The following GCLM variants were observed in gnomAD, a reference collection of about 807,000 sequenced individuals.
GCLM encodes glutamate--cysteine ligase regulatory subunit.
GCLM carries 15 observed loss-of-function variants against 36.0 expected under a neutral mutation model. The observed-to-expected ratio is 0.42, with a 90% CI of 0.28 to 0.64. GCLM has a LOEUF of 0.64. GCLM is among the 30% of genes least tolerant of loss of function. The pLI, the probability that GCLM is intolerant of heterozygous loss-of-function variation, is 0.25. For missense variants in GCLM, 242 were observed against 325.5 expected (o/e 0.74, Z 1.97); for synonymous variants, 129 against 122.8 (o/e 1.05, Z -0.34).
chr1:93,890,856 T>G (rs905055757), intron 6 of GCLM, among the ~76,000 whole-genome samples: 1 of 151,408 alleles, frequency 6.6e-6, no homozygotes, highest in Non-Finnish European at 1.5e-5. Flanking sequence ...AGTGCCGCAG[T>G]GCCAATTCTT....
At chr1:93,901,912 AG>A (rs2100922048) in intron 2 of GCLM, among the ~76,000 whole-genome samples, 1 of 151,864 alleles carries the variant, frequency 6.6e-6, no homozygotes, top group Admixed American at 6.6e-5. Flanking sequence ...CATTTTGACC[AG>A]GTATTTAGAA....
chr1:93,900,699 A>G (rs1229394607), intron 3 of GCLM, among the ~76,000 whole-genome samples: 1 of 152,228 alleles, frequency 6.6e-6, no homozygotes, highest in Non-Finnish European at 1.5e-5. Context: ...TACTATAATT[A>G]GATTAAAAAG....
intron 1 of GCLM, among the ~76,000 whole-genome samples, chr1:93,905,002 T>C (rs544873516): frequency 3.3e-5 from 5 of 152,034 alleles, no homozygotes; most frequent in South Asian, 2.1e-4. Context: ...GGTGAAACCC[T>C]GTCTCTACTA....
chr1:93,890,633 C>CA (rs896141901), intron 6 of GCLM, among the ~76,000 whole-genome samples: 38 of 149,634 alleles, frequency 2.5e-4, no homozygotes, highest in Admixed American at 1.9e-3. Flanking sequence ...CTATGTCTTA[C>CA]AAAAAAAAAG....
At position 93,904,602 on chromosome 1, in the gene GCLM, G is replaced by GCAT. The variant is rs1356821706; in HGVS notation, c.127-17_127-15dup. On this transcript the variant is annotated splice_polypyrimidine_tract_variant and intron_variant, in intron 1 of 6. Coordinates refer to ENST00000370238, the MANE Select transcript of GCLM (RefSeq NM_002061.4). The stretch of plus-strand genomic sequence containing the variant: ...ACAATCATGAAGCTGCAAAAGGAAT[G>GCAT]CATTTTGAAACTGTTAATCAAAGTC... 6.4e-7 allele frequency: 1 copy of GCAT among 1,566,770 alleles called. No individual in the cohort carries two copies. The highest frequency in any genetic ancestry group is 1.7e-5 in the Admixed American group (1 of 59,862).
intron 1 of GCLM, 30 bp from the exon 2 acceptor site, chr1:93,904,618 A>T: frequency 7.1e-7 from 1 of 1,402,494 alleles, no homozygotes; most frequent in Non-Finnish European, 1.0e-6. Context: ...TGAAACTGTT[A>T]ATCAAAGTCT....
chr1:93,899,409 T>C (rs17884788), intron 3 of GCLM, among the ~76,000 whole-genome samples: 8,889 of 152,242 alleles, frequency 0.058, 314 homozygotes, highest in South Asian at 0.093. Flanking sequence ...TTGAATATTA[T>C]TTTGTAAATT....
intron 1 of GCLM, among the ~76,000 whole-genome samples, chr1:93,906,211 T>G (rs1406461731): frequency 6.6e-6 from 1 of 152,208 alleles, no homozygotes; most frequent in Non-Finnish European, 1.5e-5. Context: ...GTCACAACAA[T>G]TCACTTGAAT....
chr1:93,894,631 G>A lies in GCLM; in HGVS notation c.638C>T (p.Thr213Ile). 6.3e-7 allele frequency: 1 copy of A among 1,576,790 alleles called. No homozygotes were observed. Among genetic ancestry groups the A allele is most frequent in the African/African-American group, 1.3e-5 (1 of 74,212 alleles). ...FAKQFDIQLL[T>I]HNDPKELLSE... ...AGTTTTACCTTTTGGATCATTGTGA[G>A]TCAACAGCTGTATGTCAAATTGTTT... Residue 213 changes from threonine (T) to isoleucine (I), a missense_variant, in exon 6 of 7, where the codon ACT becomes ATT. Thr to Ile is a moderately conservative substitution (Grantham distance 89, BLOSUM62 -1). Coordinates refer to ENST00000370238, the MANE Select transcript of GCLM (RefSeq NM_002061.4).
chr1:93,900,938 C>T (rs1457172972), intron 3 of GCLM, among the ~76,000 whole-genome samples: 2 of 152,160 alleles, frequency 1.3e-5, no homozygotes, highest in African/African-American at 4.8e-5. Flanking sequence ...AACTGAGACT[C>T]AGGGAGGTTA....
intron 3 of GCLM, among the ~76,000 whole-genome samples, chr1:93,899,053 G>A (rs1656851240): frequency 6.6e-6 from 1 of 151,894 alleles, no homozygotes; most frequent in African/African-American, 2.4e-5. Context: ...CTTAGGGGTG[G>A]CCTTGAACGT....
rs1015866078 is a variant in GCLM, at chr1:93,885,205, T to G, written c.*3785A>C. 2 of 152,250 alleles carry G rather than the reference T, an allele frequency of 1.3e-5. No homozygotes were observed. Among genetic ancestry groups the G allele is most frequent in the Non-Finnish European group, 2.9e-5 (2 of 68,050 alleles). 9.4% of individuals were successfully genotyped at this position (152,250 alleles called of 1,614,324 possible). A position where few individuals can be genotyped will look rare whatever the true frequency, so the allele number is the denominator to read the frequency against. On this transcript the variant is annotated 3_prime_UTR_variant, in exon 7 of 7. Coordinates refer to ENST00000370238, the MANE Select transcript of GCLM (RefSeq NM_002061.4). ...TGCATAAATAGCTTTATGATTTGGA[T>G]GTTTTTAAATTATTAATTTATTTTC...
Position 93,888,018 on chromosome 1 carries a change from G to A in GCLM, c.*972C>T, listed in dbSNP as rs1415501648. ...CAAAGTTGTTTAAGTAGATAATGTC[G>A]GCCCTGAATTAAGGATTTTTTTTTC... On this transcript the variant is annotated 3_prime_UTR_variant, in exon 7 of 7. Coordinates refer to ENST00000370238, the MANE Select transcript of GCLM (RefSeq NM_002061.4). The A allele has an allele frequency of 6.6e-6, 1 of 151,902 alleles. No individual in the cohort carries two copies. Among genetic ancestry groups the A allele is most frequent in the Non-Finnish European group, 1.5e-5 (1 of 67,986 alleles). 9.4% of individuals were successfully genotyped at this position (151,902 alleles called of 1,614,324 possible).
chr1:93,907,513 T>C (rs1030378740), intron 1 of GCLM, among the ~76,000 whole-genome samples: 2 of 152,246 alleles, frequency 1.3e-5, no homozygotes, highest in Non-Finnish European at 2.9e-5. Flanking sequence ...ATGTACTTCT[T>C]ACTGTGTTTG....
chr1:93,896,272 C>G (rs1656729780), intron 5 of GCLM, among the ~76,000 whole-genome samples: 1 of 152,034 alleles, frequency 6.6e-6, no homozygotes, highest in East Asian at 1.9e-4. Context: ...TAAGGTTTTT[C>G]TTTAGGTATT....
At chr1:93,907,145 G>A (rs1657173177) in intron 1 of GCLM, among the ~76,000 whole-genome samples, 1 of 152,172 alleles carries the variant, frequency 6.6e-6, no homozygotes, top group African/African-American at 2.4e-5. Context: ...AGCTCTGGGT[G>A]TTACAAAGTT....
At chr1:93,898,632 A>T (rs1656829024) in intron 3 of GCLM, among the ~76,000 whole-genome samples, 2 of 151,890 alleles carry the variant, frequency 1.3e-5, no homozygotes, top group African/African-American at 4.8e-5. Flanking sequence ...GAATCACCAC[A>T]ATTTTTTTTT....
intron 2 of GCLM, 73 bp from the exon 3 acceptor site, chr1:93,901,742 C>T: frequency 1.2e-6 from 1 of 815,038 alleles, no homozygotes; most frequent in Non-Finnish European, 2.0e-6. Context: ...TTTCTATTAT[C>T]CATAATGCCT....
intron 1 of GCLM, among the ~76,000 whole-genome samples, chr1:93,905,640 G>A (rs888005281): frequency 2.0e-5 from 3 of 152,024 alleles, no homozygotes; most frequent in African/African-American, 4.8e-5. Context: ...ATAGTATGTT[G>A]TAAATTAATT....
Sources: gnomAD v4.1 joint callset for allele counts (sites outside exome capture counted in the v4.1 genomes callset) on GRCh38, gnomAD v4.1.1 for gene constraint, MANE v1.5 for transcripts, NCBI Gene and HGNC (gene_info 2026-07-23, HGNC 2026-07-21) for gene names.